Variants in MAGI1 observed in about 807,000 individuals in gnomAD.
MAGI1 encodes membrane associated guanylate kinase, WW and PDZ domain containing 1, also known as membrane-associated guanylate kinase, WW and PDZ domain-containing protein 1.
Under a neutral mutation model 139.9 loss-of-function variants are expected in MAGI1, and 58 were observed. That is an observed-to-expected ratio of 0.41 (90% CI 0.34 to 0.52). The LOEUF is 0.52. Ranked by LOEUF, MAGI1 falls within the 20% of genes least tolerant of loss-of-function variation. MAGI1 has a pLI of 0.12. For missense variants in MAGI1, 1,874 were observed against 1,901.6 expected, an observed-to-expected ratio of 0.99 and a Z score of 0.27; for synonymous variants, 812 against 737.9, an observed-to-expected ratio of 1.10 and a Z score of -1.63.
intron 22 of MAGI1, chr3:65,360,432 C>T: frequency 3.1e-6 from 3 of 980,638 alleles, no homozygotes; most frequent in Non-Finnish European, 3.6e-6. Flanking sequence ...ATTTTGCCAT[C>T]AGAACACTAA....
intron 1 of MAGI1, among the ~76,000 whole-genome samples, chr3:65,803,753 C>A (rs557187845): frequency 6.6e-6 from 1 of 152,112 alleles, no homozygotes; most frequent in Non-Finnish European, 1.5e-5. Flanking sequence ...TCTGTGTCCA[C>A]GTGTTCTCAT....
chr3:65,650,018 G>A (rs2085492807), intron 1 of MAGI1, among the ~76,000 whole-genome samples: 1 of 152,196 alleles, frequency 6.6e-6, no homozygotes, highest in African/African-American at 2.4e-5. Context: ...CAAAAATCAT[G>A]TTTTGGAAAC....
At chr3:65,690,915 C>T (rs1293771423) in intron 1 of MAGI1, among the ~76,000 whole-genome samples, 1 of 152,086 alleles carries the variant, frequency 6.6e-6, no homozygotes, top group Non-Finnish European at 1.5e-5. Context: ...GACCAATATG[C>T]CCCACTTACC....
At chr3:65,640,013 C>T (rs2084898979) in intron 1 of MAGI1, among the ~76,000 whole-genome samples, 2 of 151,122 alleles carry the variant, frequency 1.3e-5, no homozygotes, top group Non-Finnish European at 1.5e-5. Flanking sequence ...AAATTACTTC[C>T]GTCTGACTGC....
intron 1 of MAGI1, among the ~76,000 whole-genome samples, chr3:65,646,154 A>C (rs575712175): frequency 9.2e-4 from 140 of 152,260 alleles, no homozygotes; most frequent in African/African-American, 3.2e-3. Context: ...TATGTTAACA[A>C]GAAACTTGCT....
chr3:65,731,619 CACTCCAGCCTGGGTGACAGAGTGAG>C (rs2034200909), intron 1 of MAGI1, among the ~76,000 whole-genome samples: 1 of 148,892 alleles, frequency 6.7e-6, no homozygotes, highest in Non-Finnish European at 1.5e-5. Flanking sequence ...TGTACCACTG[CACTCCAGCCTGGGTGACAGAGTGAG>C]ACTCTGTCTC....
chr3:66,020,685 G>C (rs2067914117), intron 1 of MAGI1, among the ~76,000 whole-genome samples: 1 of 152,102 alleles, frequency 6.6e-6, no homozygotes, highest in Non-Finnish European at 1.5e-5. Context: ...CATTTGAGTT[G>C]CATTTTTTAA....
chr3:65,646,682 C>T (rs571844460), intron 1 of MAGI1, among the ~76,000 whole-genome samples: 3 of 151,452 alleles, frequency 2.0e-5, no homozygotes, highest in South Asian at 2.1e-4. Flanking sequence ...TGTTAAGCGT[C>T]GAAAGTATAC....
chr3:65,629,739 A>G (rs919477287), intron 1 of MAGI1, among the ~76,000 whole-genome samples: 1 of 152,304 alleles, frequency 6.6e-6, no homozygotes, highest in Non-Finnish European at 1.5e-5. Context: ...TGCTTTTTCT[A>G]ATATATTTTT....
chr3:65,382,330 T>C (rs1943116684), intron 15 of MAGI1, among the ~76,000 whole-genome samples: 1 of 152,206 alleles, frequency 6.6e-6, no homozygotes, highest in African/African-American at 2.4e-5. Flanking sequence ...CCTTTGCAGA[T>C]ATAAATTACT....
At chr3:65,391,623 T>C (rs1468888984) in intron 13 of MAGI1, among the ~76,000 whole-genome samples, 1 of 152,148 alleles carries the variant, frequency 6.6e-6, no homozygotes, top group African/African-American at 2.4e-5. Context: ...AAATCTGATA[T>C]TCATCACAGG....
At chr3:65,811,116 A>T (rs902775325) in intron 1 of MAGI1, among the ~76,000 whole-genome samples, 1 of 152,216 alleles carries the variant, frequency 6.6e-6, no homozygotes, top group Non-Finnish European at 1.5e-5. Context: ...GTATCAAAGT[A>T]TGTATACAGA....
At chr3:65,453,219 C>A in intron 6 of MAGI1, 39 bp downstream of exon 6, 1 of 1,569,458 alleles carries the variant, frequency 6.4e-7, no homozygotes, top group Non-Finnish European at 8.8e-7. Context: ...TGAACAGTGC[C>A]CCCAATTCAC....
intron 1 of MAGI1, among the ~76,000 whole-genome samples, chr3:65,999,662 C>T (rs2066636349): frequency 6.6e-6 from 1 of 151,822 alleles, no homozygotes; most frequent in South Asian, 2.1e-4. Context: ...TGGTTTATTC[C>T]TTTCTTTATT....
intron 6 of MAGI1, among the ~76,000 whole-genome samples, chr3:65,449,207 G>T (rs1349747372): frequency 4.6e-5 from 7 of 151,954 alleles, no homozygotes; most frequent in Non-Finnish European, 4.4e-5. Flanking sequence ...ACACCAACAT[G>T]GCACATGTAT....
rs963617623 is a variant in MAGI1, at chr3:65,764,898, C to T, written c.314-142810G>A. On this transcript the variant is annotated intron_variant, in intron 1 of 22. Transcript: ENST00000402939. ...GAACCGCTTGTTTTGTCCTTTTTCA[C>T]TTGGCTCACAAAGTGACATGGCAAC... 8.5e-5 allele frequency among the ~76,000 whole-genome samples: 13 copies of T among 152,170 alleles called. 1 individual carries two copies. Among genetic ancestry groups the T allele is most frequent in the Admixed American group, 7.2e-4 (11 of 15,266 alleles).
chr3:65,503,230 T>C (rs1054518049), intron 2 of MAGI1, among the ~76,000 whole-genome samples: 5 of 152,188 alleles, frequency 3.3e-5, no homozygotes, highest in Admixed American at 1.3e-4. Flanking sequence ...TGACTGATTG[T>C]CATCCCTATA....
chr3:65,949,183 A>G (rs567199046), intron 1 of MAGI1, among the ~76,000 whole-genome samples: 1 of 152,314 alleles, frequency 6.6e-6, no homozygotes, highest in African/African-American at 2.4e-5. Flanking sequence ...AGCACGTGTC[A>G]TATCAGAAAC....
chr3:65,675,957 G>T (rs2087164444), intron 1 of MAGI1, among the ~76,000 whole-genome samples: 1 of 152,158 alleles, frequency 6.6e-6, no homozygotes, highest in Non-Finnish European at 1.5e-5. Flanking sequence ...TTTTCACCTT[G>T]TTTGACGACT....
Sources: gnomAD v4.1 joint callset for allele counts (sites outside exome capture counted in the v4.1 genomes callset) on GRCh38, gnomAD v4.1.1 for gene constraint, MANE v1.5 for transcripts, NCBI Gene and HGNC (gene_info 2026-07-23, HGNC 2026-07-21) for gene names.